ZNF638: variants seen among roughly 807,000 people sequenced by gnomAD.
ZNF638 encodes zinc finger protein 638, also known as CTCL tumor antigen se33-1.
In ZNF638, 46 loss-of-function variants were observed where a neutral mutation model predicts 195.6. That is an observed-to-expected ratio of 0.24 (90% CI 0.19 to 0.30). The LOEUF (loss-of-function observed/expected upper bound fraction) is 0.30, where lower values mean the gene tolerates loss of function less well. Among genes scored for constraint, ZNF638 ranks in the 10% least tolerant of loss-of-function variants. The pLI, the probability that ZNF638 is intolerant of heterozygous loss-of-function variation, is 1.00. For synonymous variants in ZNF638, 845 were observed against 772.0 expected, an observed-to-expected ratio of 1.09 and a Z score of -1.57; for missense variants, 2,440 against 2,325.3, an observed-to-expected ratio of 1.05 and a Z score of -1.01.
chr2:71,346,981 G>A (rs760772570), intron 1 of ZNF638, among the ~76,000 whole-genome samples: 3 of 151,990 alleles, frequency 2.0e-5, no homozygotes, highest in Non-Finnish European at 2.9e-5. Context: ...CCGAGATTGC[G>A]CCATTGGACT....
intron 12 of ZNF638, among the ~76,000 whole-genome samples, chr2:71,399,064 G>A (rs537788164): frequency 1.8e-4 from 27 of 151,978 alleles, no homozygotes; most frequent in African/African-American, 3.4e-4. Context: ...TGTTTCCTTC[G>A]CTTTTTTTAG....
At chr2:71,388,745 G>C (rs1406406562) in intron 10 of ZNF638, 1 of 1,107,668 alleles carries the variant, frequency 9.0e-7, no homozygotes, top group East Asian at 2.4e-5. Context: ...GTGCCCACTC[G>C]GGATATCCAA....
intron 10 of ZNF638, among the ~76,000 whole-genome samples, chr2:71,394,330 G>C (rs998518652): frequency 2.0e-5 from 3 of 152,126 alleles, no homozygotes; most frequent in Non-Finnish European, 2.9e-5. Flanking sequence ...GGACATCTTA[G>C]CACCACCCTT....
intron 22 of ZNF638, among the ~76,000 whole-genome samples, chr2:71,424,301 A>G (rs1451086019): frequency 6.6e-6 from 1 of 151,486 alleles, no homozygotes; most frequent in African/African-American, 2.4e-5. Flanking sequence ...TAAAAAAAAA[A>G]AAAAAAAGTC....
intron 21 of ZNF638, among the ~76,000 whole-genome samples, chr2:71,420,379 A>G (rs1307003066): frequency 6.6e-6 from 1 of 152,212 alleles, no homozygotes; most frequent in Non-Finnish European, 1.5e-5. Context: ...GATTTTATTT[A>G]TCATCTGATT....
intron 10 of ZNF638, among the ~76,000 whole-genome samples, chr2:71,383,608 T>TCTGTTG (rs1430277490): frequency 6.9e-6 from 1 of 145,060 alleles, no homozygotes; most frequent in African/African-American, 2.6e-5. Flanking sequence ...GGAGTTTCAC[T>TCTGTTG]CTGTTGCCTA....
At position 71,349,799 on chromosome 2, in the gene ZNF638, G is replaced by T. The variant is rs776893707; in HGVS notation, c.845G>T (p.Arg282Leu). ...MDFPGESSNN[R>L]SFFSVESGTK... is the part of the protein sequence containing the mutation. ...TTCCCCGGTGAGTCCTCCAATAATC[G>T]GTCCTTTTTCTCAGTTGAGAGTGGA... Residue 282 changes from arginine (R) to leucine (L), a missense_variant, in exon 2 of 28, where the codon CGG becomes CTG. This residue lies in a region of ZNF638 where 305 missense variants were observed against 283.6 expected (regional missense o/e 1.08). Transcript: ENST00000264447. 8 of 1,613,960 alleles carry T rather than the reference G, an allele frequency of 5.0e-6. No individual in the cohort carries two copies. Among genetic ancestry groups the T allele is most frequent in the Non-Finnish European group, 6.8e-6 (8 of 1,180,016 alleles).
chr2:71,429,560 C>G (rs2080612888), intron 25 of ZNF638, among the ~76,000 whole-genome samples: 1 of 152,074 alleles, frequency 6.6e-6, no homozygotes, highest in Admixed American at 6.5e-5. Flanking sequence ...CAAGTTTTTC[C>G]CATTGAAAGA....
rs2078899077 is a variant in ZNF638 at position 71,349,003 on chromosome 2, C to T, written c.49C>T (p.Pro17Ser). The T allele has an allele frequency of 6.2e-7, 1 of 1,614,120 alleles. No individual in the cohort carries two copies. Among genetic ancestry groups the T allele is most frequent in the Non-Finnish European group, 8.5e-7 (1 of 1,180,028 alleles). Residue 17 changes from proline to serine, a missense_variant, in exon 2 of 28, where the codon CCA becomes TCA. By Grantham distance (74) the Pro-to-Ser change is moderately conservative (BLOSUM62 -1). Transcript: ENST00000264447. Reference protein sequence around the residue: ...NPRGDFPLQRPRAPNPSGMRP... With the variant: ...NPRGDFPLQRSRAPNPSGMRP... The stretch of plus-strand genomic sequence containing the variant: ...TCGAGGAGACTTTCCACTTCAAAGG[C>T]CACGAGCACCTAACCCTTCTGGGAT...
intron 8 of ZNF638, among the ~76,000 whole-genome samples, chr2:71,374,247 A>T (rs2079375848): frequency 6.6e-6 from 1 of 152,222 alleles, no homozygotes; most frequent in Admixed American, 6.5e-5. Context: ...CCAAAATGGG[A>T]GCCAGTTAGC....
intron 6 of ZNF638, among the ~76,000 whole-genome samples, chr2:71,367,478 G>C (rs1452191214): frequency 7.1e-6 from 1 of 141,660 alleles, no homozygotes; most frequent in African/African-American, 2.6e-5. Flanking sequence ...CTGTCACCCA[G>C]GCTGGAGTGC....
chr2:71,378,419 G>C (rs1177080324), intron 8 of ZNF638, among the ~76,000 whole-genome samples: 1 of 152,144 alleles, frequency 6.6e-6, no homozygotes, highest in African/African-American at 2.4e-5. Flanking sequence ...AATGACAAGA[G>C]TGCCCAAAAA....
Position 71,367,753 on chromosome 2 carries a change from A to T in ZNF638, c.1996-629A>T, listed in dbSNP as rs1308845713. Among the ~76,000 whole-genome samples the T allele has an allele frequency of 5.1e-4, 45 of 87,404 alleles. 1 individual carries two copies. Among genetic ancestry groups the T allele is most frequent in the East Asian group, 1.8e-3 (7 of 3,974 alleles). 57.3% of individuals were successfully genotyped at this position (87,404 alleles called of 152,430 possible). A position where few individuals can be genotyped will look rare whatever the true frequency, so the allele number is the denominator to read the frequency against. On this transcript the variant is annotated intron_variant, in intron 6 of 27. Transcript: ENST00000264447. Reference sequence around the variant, plus strand: ...CAGGCCTGGCCTTTTTTTTTTTTTAAAAATATAGAGTCTTAGTATGTTGCC... The same window carrying T: ...CAGGCCTGGCCTTTTTTTTTTTTTATAAATATAGAGTCTTAGTATGTTGCC...
chr2:71,334,760 A>G (rs2104060654), intron 1 of ZNF638, among the ~76,000 whole-genome samples: 1 of 152,196 alleles, frequency 6.6e-6, no homozygotes, highest in South Asian at 2.1e-4. Flanking sequence ...TCTACTAAAA[A>G]TAGAAAAAAA....
chr2:71,343,648 T>C (rs898430236), intron 1 of ZNF638, among the ~76,000 whole-genome samples: 22 of 152,194 alleles, frequency 1.4e-4, no homozygotes, highest in African/African-American at 5.3e-4. Context: ...ACCATGTGAA[T>C]TGAGGCCTTA....
At chr2:71,401,340 C>G (rs535189236) in intron 15 of ZNF638, among the ~76,000 whole-genome samples, 2 of 28,148 alleles carry the variant, frequency 7.1e-5, no homozygotes, top group South Asian at 2.6e-3. Context: ...GAAGGGATGG[C>G]AGAAAACAAA....
chr2:71,398,979 A>G (rs77052097), intron 12 of ZNF638, among the ~76,000 whole-genome samples: 1 of 152,164 alleles, frequency 6.6e-6, no homozygotes, highest in Admixed American at 6.5e-5. Flanking sequence ...ATATAAAGCT[A>G]TATAACTGTA....
chr2:71,379,333 T>G (rs985120958), intron 8 of ZNF638, among the ~76,000 whole-genome samples: 3 of 148,530 alleles, frequency 2.0e-5, no homozygotes, highest in African/African-American at 7.9e-5. Context: ...TGTTTTAAAC[T>G]GTGCCCTGTT....
chr2:71,380,668 G>A, intron 10 of ZNF638, 103 bp downstream of exon 10: 1 of 880,556 alleles, frequency 1.1e-6, no homozygotes, highest in Non-Finnish European at 1.7e-6. Flanking sequence ...TTTAATGAAG[G>A]AGACCCAAAT....
Sources: allele counts gnomAD v4.1 joint callset (sites outside exome capture counted in the v4.1 genomes callset), GRCh38; gene constraint gnomAD v4.1.1; regional missense constraint gnomAD v4.1.1; transcripts MANE v1.5; gene names NCBI Gene and HGNC (gene_info 2026-07-23, HGNC 2026-07-21).